The following HMGCLL1 variants were observed in gnomAD, a reference collection of about 807,000 sequenced individuals.
HMGCLL1 encodes the protein 3-hydroxymethyl-3-methylglutaryl-CoA lyase, cytoplasmic.
HMGCLL1 carries 36 observed loss-of-function variants against 39.1 expected under a neutral mutation model. That is an observed-to-expected ratio of 0.92 (90% CI 0.71 to 1.22). HMGCLL1 has a LOEUF of 1.22. Ranked by LOEUF, HMGCLL1 falls within the 50% of genes most tolerant of loss-of-function variation. HMGCLL1 has a pLI of 0.00. For synonymous variants in HMGCLL1, 149 were observed against 144.0 expected (o/e 1.03, Z -0.25); for missense variants, 451 against 416.5 (o/e 1.08, Z -0.72).
At chr6:55,546,053 T>C (rs765764591) in intron 1 of HMGCLL1, among the ~76,000 whole-genome samples, 11 of 152,134 alleles carry the variant, frequency 7.2e-5, no homozygotes, top group Non-Finnish European at 1.6e-4. Context: ...TCTCTCTTTC[T>C]ATGGCTGTTT....
the HMGCLL1 span, among the ~76,000 whole-genome samples, chr6:55,660,394 G>A: frequency 2.6e-5 from 4 of 151,542 alleles, no homozygotes; most frequent in Admixed American, 6.6e-5. Flanking sequence ...ATTAGCCCTG[G>A]TGTCTATTTT....
At chr6:55,543,674 T>C (rs1052199986) in intron 1 of HMGCLL1, among the ~76,000 whole-genome samples, 1 of 148,298 alleles carries the variant, frequency 6.7e-6, no homozygotes, top group Non-Finnish European at 1.5e-5. Flanking sequence ...GGCAACATAG[T>C]GAAACCTCAT....
intron 8 of HMGCLL1, among the ~76,000 whole-genome samples, chr6:55,438,066 C>A (rs1763440660): frequency 2.0e-5 from 3 of 151,892 alleles, no homozygotes; most frequent in Admixed American, 6.6e-5. Flanking sequence ...ATTTGGACTC[C>A]AGAGTTATGG....
the HMGCLL1 span, among the ~76,000 whole-genome samples, chr6:55,649,814 A>G: frequency 6.6e-6 from 1 of 151,526 alleles, no homozygotes; most frequent in East Asian, 2.0e-4. Context: ...ATTTTCAGGT[A>G]ACCTCTCTTC....
the HMGCLL1 span, among the ~76,000 whole-genome samples, chr6:55,646,092 G>T: frequency 6.6e-6 from 1 of 151,764 alleles, no homozygotes; most frequent in East Asian, 1.9e-4. Context: ...GTCTGTTCAG[G>T]TATTGGATTT....
At chr6:55,577,103 G>A (rs763166208) in intron 1 of HMGCLL1, 25 of 1,613,024 alleles carry the variant, frequency 1.5e-5, no homozygotes, top group Non-Finnish European at 2.0e-5. Context: ...CACCGTGCCT[G>A]CCAAGGAGAC....
the HMGCLL1 span, among the ~76,000 whole-genome samples, chr6:55,606,998 T>C: frequency 6.6e-6 from 1 of 152,188 alleles, no homozygotes; most frequent in Non-Finnish European, 1.5e-5. Flanking sequence ...TTCTAACTTC[T>C]AGAATCATAA....
chr6:55,641,970 C>T, the HMGCLL1 span, among the ~76,000 whole-genome samples: 1 of 140,140 alleles, frequency 7.1e-6, no homozygotes, highest in Non-Finnish European at 1.5e-5. Context: ...AGGTTAGTTA[C>T]ATATGTATAC....
chr6:55,645,807 G>T, the HMGCLL1 span, among the ~76,000 whole-genome samples: 1 of 151,434 alleles, frequency 6.6e-6, no homozygotes, highest in African/African-American at 2.4e-5. Context: ...CCAGTATTTT[G>T]TTTAGGATTT....
intron 7 of HMGCLL1, among the ~76,000 whole-genome samples, chr6:55,483,299 C>T (rs984613732): frequency 1.3e-5 from 2 of 152,134 alleles, no homozygotes; most frequent in Non-Finnish European, 2.9e-5. Flanking sequence ...TGGAGTCACA[C>T]TCTGTCATCA....
At chr6:55,498,266 T>C (rs1766692396) in intron 6 of HMGCLL1, among the ~76,000 whole-genome samples, 1 of 152,156 alleles carries the variant, frequency 6.6e-6, no homozygotes, top group Non-Finnish European at 1.5e-5. Flanking sequence ...CAATTGTGAA[T>C]GCAAATTAAT....
In HMGCLL1 at chr6:55,540,882, G is replaced by A. The variant is rs528740906; in HGVS notation, c.297+847C>T. Reference sequence around the variant, plus strand: ...AAGAAGAGAGGATAGGCAGAGAAAAGCACTGAAAACAGAATCTTAGGGGAA... The same window carrying A: ...AAGAAGAGAGGATAGGCAGAGAAAAACACTGAAAACAGAATCTTAGGGGAA... On this transcript the variant is annotated intron_variant, in intron 3 of 8. Coordinates refer to ENST00000274901, the MANE Select transcript of HMGCLL1 (RefSeq NM_001042406.2). 2.6e-5 allele frequency among the ~76,000 whole-genome samples: 4 copies of A among 152,208 alleles called. No individual in the cohort carries two copies. The East Asian group carries it at 5.8e-4, about 22-fold the overall frequency.
At chr6:55,547,393 T>A (rs1286446025) in intron 1 of HMGCLL1, among the ~76,000 whole-genome samples, 1 of 151,964 alleles carries the variant, frequency 6.6e-6, no homozygotes, top group Non-Finnish European at 1.5e-5. Context: ...ATATATACAA[T>A]CAACCCTTCT....
chr6:55,645,547 C>A, the HMGCLL1 span, among the ~76,000 whole-genome samples: 7 of 151,812 alleles, frequency 4.6e-5, no homozygotes, highest in East Asian at 1.4e-3. Flanking sequence ...GTCAAATATG[C>A]CTTTTACTAT....
chr6:55,532,968 G>T (rs1332244862), intron 3 of HMGCLL1, among the ~76,000 whole-genome samples: 1 of 151,270 alleles, frequency 6.6e-6, no homozygotes, highest in African/African-American at 2.4e-5. Flanking sequence ...TTTCTCCTAT[G>T]TGGTAACAGT....
chr6:55,638,700 G>A, the HMGCLL1 span, among the ~76,000 whole-genome samples: 103 of 152,182 alleles, frequency 6.8e-4, no homozygotes, highest in African/African-American at 2.4e-3. Context: ...CTAATCCACA[G>A]GATTCTTAGT....
chr6:55,484,481 G>A (rs1012166769), intron 7 of HMGCLL1, among the ~76,000 whole-genome samples: 1 of 151,594 alleles, frequency 6.6e-6, no homozygotes, highest in Admixed American at 6.6e-5. Flanking sequence ...ATATGCAACT[G>A]CCTACTCAAA....
intron 3 of HMGCLL1, among the ~76,000 whole-genome samples, chr6:55,524,971 AG>A (rs1768239012): frequency 2.7e-5 from 4 of 149,862 alleles, no homozygotes; most frequent in African/African-American, 2.4e-5. Context: ...ATTAATTAAT[AG>A]TAATAGTAAT....
chr6:55,461,343 A>C lies in HMGCLL1; in HGVS notation c.796-21784T>G, dbSNP rs1764556401. On this transcript the variant is annotated intron_variant, in intron 7 of 8. Coordinates refer to ENST00000274901, the MANE Select transcript of HMGCLL1 (RefSeq NM_001042406.2). Reference sequence around the variant, plus strand: ...ATACAGTACTTTTAAAGTTTAAAGAAATGAAACAAGAAACGCAAATCACAT... The same window carrying C: ...ATACAGTACTTTTAAAGTTTAAAGACATGAAACAAGAAACGCAAATCACAT... Among the ~76,000 whole-genome samples the C allele has an allele frequency of 2.0e-5, 3 of 152,018 alleles. No homozygotes were observed. The South Asian group carries it at 6.2e-4, about 31-fold the overall frequency.
Sources: gnomAD v4.1 joint callset for allele counts (sites outside exome capture counted in the v4.1 genomes callset) on GRCh38, gnomAD v4.1.1 for gene constraint, MANE v1.5 for transcripts, NCBI Gene and HGNC (gene_info 2026-07-23, HGNC 2026-07-21) for gene names.